Variants in DNAH3 observed in about 807,000 individuals in gnomAD.
DNAH3 encodes the protein dynein axonemal heavy chain 3, also known as axonemal beta dynein heavy chain 3.
DNAH3 carries 332 observed loss-of-function variants against 432.5 expected under a neutral mutation model. The ratio of observed to expected loss-of-function variants is 0.77; its 90% confidence interval spans 0.70 to 0.84. The LOEUF is 0.84. Ranked by LOEUF, DNAH3 falls within the 40% of genes least tolerant of loss-of-function variation. DNAH3 has a pLI of 0.00. For synonymous variants in DNAH3, 1,956 were observed against 1,900.2 expected, an observed-to-expected ratio of 1.03 and a Z score of -0.76; for missense variants, 4,861 against 5,114.0, an observed-to-expected ratio of 0.95 and a Z score of 1.51.
At chr16:21,123,422 C>G (rs1450468464) in intron 9 of DNAH3, among the ~76,000 whole-genome samples, 1 of 152,172 alleles carries the variant, frequency 6.6e-6, no homozygotes, top group African/African-American at 2.4e-5. Context: ...TTTCCAGACA[C>G]AGGAAGATTT....
chr16:21,016,456 T>C (rs1386770711), intron 41 of DNAH3, among the ~76,000 whole-genome samples: 1 of 152,186 alleles, frequency 6.6e-6, no homozygotes, highest in Non-Finnish European at 1.5e-5. Flanking sequence ...AAAATAAGAA[T>C]GAACTTCATA....
chr16:21,119,636 G>T (rs2092291220), intron 11 of DNAH3, among the ~76,000 whole-genome samples: 1 of 148,824 alleles, frequency 6.7e-6, no homozygotes. Flanking sequence ...CACTCTTGTT[G>T]CCCAGGCTGG....
At chr16:21,065,436 C>G (rs865870144) in intron 24 of DNAH3, among the ~76,000 whole-genome samples, 1 of 152,170 alleles carries the variant, frequency 6.6e-6, no homozygotes, top group African/African-American at 2.4e-5. Flanking sequence ...GCTAGGATTA[C>G]AGGCAGGAGC....
chr16:20,944,764 T>C (rs896277995), intron 57 of DNAH3, 101 bp from the exon 58 acceptor site: 5 of 1,098,554 alleles, frequency 4.6e-6, no homozygotes, highest in East Asian at 2.5e-5. Flanking sequence ...TCATACTGTA[T>C]CAGTAGCACA....
chr16:21,027,380 G>A (rs1295035532), intron 37 of DNAH3, among the ~76,000 whole-genome samples: 1 of 152,180 alleles, frequency 6.6e-6, no homozygotes, highest in African/African-American at 2.4e-5. Context: ...GTTCGAAGTG[G>A]TGAAAAGTGC....
chr16:21,048,165 A>G (rs1241427257), intron 31 of DNAH3, among the ~76,000 whole-genome samples: 3 of 152,250 alleles, frequency 2.0e-5, no homozygotes, highest in Non-Finnish European at 4.4e-5. Flanking sequence ...TGGAGCCTGC[A>G]GAGGCAGGCA....
rs1011927457 is a variant in DNAH3 at position 21,016,419 on chromosome 16, T to C, written c.6022+3205A>G. Among the ~76,000 whole-genome samples the C allele has an allele frequency of 2.0e-5, 3 of 152,346 alleles. No homozygotes were observed. In the East Asian group the frequency reaches 5.8e-4, roughly 29 times the overall value. ...TAATTGTGGCTCTCTTTTTATCACA[T>C]ATTTTTATTGTATATTTTTTTCTTA... is the stretch of plus-strand genomic sequence containing the variant. On this transcript the variant is annotated intron_variant, in intron 41 of 61. Coordinates refer to ENST00000261383, the Ensembl canonical transcript of DNAH3.
At chr16:20,935,507 G>A in intron 60 of DNAH3, 22 bp from the exon 61 acceptor site, 27 of 1,606,400 alleles carry the variant, frequency 1.7e-5, no homozygotes, top group Non-Finnish European at 2.2e-5. Flanking sequence ...CAGAAATCAA[G>A]ATTCAAAATC....
chr16:21,077,663 C>T (rs1361088317), intron 20 of DNAH3, among the ~76,000 whole-genome samples: 1 of 152,118 alleles, frequency 6.6e-6, no homozygotes, highest in Admixed American at 6.5e-5. Context: ...CTTCTTGTTT[C>T]CACATGGAGA....
At chr16:21,087,501 T>A (rs1233898642) in intron 18 of DNAH3, among the ~76,000 whole-genome samples, 1 of 151,590 alleles carries the variant, frequency 6.6e-6, no homozygotes, top group Non-Finnish European at 1.5e-5. Flanking sequence ...CTGGGCAACA[T>A]AGTGAGACCC....
intron 53 of DNAH3, among the ~76,000 whole-genome samples, chr16:20,963,036 C>T (rs1275653061): frequency 6.6e-6 from 1 of 151,450 alleles, no homozygotes; most frequent in East Asian, 1.9e-4. Flanking sequence ...ATTTCTGGTT[C>T]TCTTGAAAAA....
At chr16:21,022,152 G>C in intron 39 of DNAH3, 52 bp from the exon 40 acceptor site, 1 of 1,599,812 alleles carries the variant, frequency 6.3e-7, no homozygotes, top group Non-Finnish European at 8.6e-7. Context: ...CAAGTGAGTT[G>C]ACGACCAAGA....
chr16:20,974,673 T>C (rs1203616587), intron 51 of DNAH3, among the ~76,000 whole-genome samples: 1 of 149,136 alleles, frequency 6.7e-6, no homozygotes, highest in East Asian at 2.0e-4. Context: ...CTCCTGCCTT[T>C]GTCTCCCAAA....
rs73531898 is a variant in DNAH3 at position 21,140,419 on chromosome 16, T to G, written c.696+117A>C. 9.5e-4 allele frequency: 1,055 copies of G among 1,110,758 alleles called. 13 individuals are homozygous for G. In the African/African-American group the frequency reaches 0.011, roughly 12 times the overall value. 68.8% of individuals were successfully genotyped at this position (1,110,758 alleles called of 1,614,324 possible). A position where few individuals can be genotyped will look rare whatever the true frequency, so the allele number is the denominator to read the frequency against. ...TCAGTAGCCTGTCTTGGGTCTAGAC[T>G]TTGGTGTTTTTCAAACATTTCCCAG... On this transcript the variant is annotated intron_variant, in intron 5 of 61. Transcript: ENST00000261383.
Position 20,948,639 on chromosome 16 carries a change from T to C in DNAH3, c.11189-2A>G. On this transcript the variant is annotated splice_acceptor_variant, in intron 56 of 61. Coordinates refer to ENST00000261383, the Ensembl canonical transcript of DNAH3. LOFTEE classifies it high-confidence loss of function. ...CTCTGCCTCCGTAATTACATTCCCCTGGGGACAACCAACAGAAGGAGAGGT... is the reference window on the plus strand; with the variant it reads ...CTCTGCCTCCGTAATTACATTCCCCCGGGGACAACCAACAGAAGGAGAGGT... 3 of 1,614,060 alleles carry C rather than the reference T, an allele frequency of 1.9e-6. No homozygotes were observed. The highest frequency in any genetic ancestry group is 2.5e-6 in the Non-Finnish European group (3 of 1,179,982).
intron 16 of DNAH3, among the ~76,000 whole-genome samples, chr16:21,099,233 C>CATGG (rs111518786): frequency 0.023 from 3,441 of 149,790 alleles, 44 homozygotes; most frequent in East Asian, 0.036. Flanking sequence ...AGACAATAGA[C>CATGG]ATGGATGGAT....
chr16:21,147,032 T>TGCCTG, intron 1 of DNAH3, among the ~76,000 whole-genome samples: 1 of 151,942 alleles, frequency 6.6e-6, no homozygotes, highest in East Asian at 1.9e-4. Flanking sequence ...AGTTCTGGGA[T>TGCCTG]TACAGGCATG....
At chr16:20,958,045 G>A (rs1298371038) in intron 54 of DNAH3, among the ~76,000 whole-genome samples, 2 of 151,178 alleles carry the variant, frequency 1.3e-5, no homozygotes, top group Admixed American at 6.6e-5. Context: ...CGGGAGGCAG[G>A]ACAAATGATA....
chr16:21,086,353 G>A (rs2091371082), intron 19 of DNAH3, among the ~76,000 whole-genome samples: 1 of 152,324 alleles, frequency 6.6e-6, no homozygotes, highest in Admixed American at 6.5e-5. Flanking sequence ...TGAAAGAGGA[G>A]TGCAAAGTTA....
Sources: allele counts gnomAD v4.1 joint callset (sites outside exome capture counted in the v4.1 genomes callset), GRCh38; gene constraint gnomAD v4.1.1; transcripts MANE v1.5; gene names NCBI Gene and HGNC (gene_info 2026-07-23, HGNC 2026-07-21).